Variants in SLC24A2 observed in about 807,000 individuals in gnomAD.
SLC24A2 encodes sodium/potassium/calcium exchanger 2.
A neutral mutation model predicts 62.0 loss-of-function variants in SLC24A2; 36 were observed. The observed-to-expected ratio is 0.58, with a 90% CI of 0.44 to 0.77. The LOEUF (loss-of-function observed/expected upper bound fraction) is 0.77, where lower values mean the gene tolerates loss of function less well. SLC24A2 is among the 30% of genes least tolerant of loss of function. The pLI is 0.00. For synonymous variants in SLC24A2, 358 were observed against 294.0 expected (o/e 1.22, Z -2.23); for missense variants, 846 against 817.9 (o/e 1.03, Z -0.42).
At chr9:19,564,770 T>C (rs570330510) in intron 7 of SLC24A2, among the ~76,000 whole-genome samples, 9 of 152,310 alleles carry the variant, frequency 5.9e-5, no homozygotes, top group African/African-American at 2.2e-4. Context: ...GTTGAATTTT[T>C]AGATTTTCGA....
At chr9:20,134,397 G>A in the SLC24A2 span, among the ~76,000 whole-genome samples, 1 of 152,138 alleles carries the variant, frequency 6.6e-6, no homozygotes, top group Admixed American at 6.6e-5. Context: ...TACTTCCAAT[G>A]AGAAGGGAGG....
chr9:19,551,560 T>C (rs936648374), intron 7 of SLC24A2, among the ~76,000 whole-genome samples: 1 of 152,174 alleles, frequency 6.6e-6, no homozygotes, highest in Non-Finnish European at 1.5e-5. Context: ...TCTAAAAATA[T>C]CAACAGGAAC....
At chr9:19,516,992 G>A (rs1240616061) in intron 10 of SLC24A2, among the ~76,000 whole-genome samples, 1 of 152,188 alleles carries the variant, frequency 6.6e-6, no homozygotes, top group Non-Finnish European at 1.5e-5. Context: ...CTTTCTGAAA[G>A]ATTTAAGGAA....
In SLC24A2 at chr9:19,786,650, C is replaced by A; in HGVS notation, c.217G>T (p.Val73Leu). The part of the protein sequence containing the change: ...DTQSTGEASV[V>L]SGPRVAQGYH... ...CCCTGTGCTACCCTAGGGCCACTTA[C>A]AACACTGGCCTCTCCTGTGCTCTGT... The change falls in exon 2 of 11, where the codon GTA (valine) becomes TTA (leucine). Residue 73 changes from valine to leucine, a missense_variant. Coordinates refer to ENST00000341998, the MANE Select transcript of SLC24A2 (RefSeq NM_020344.4). This position sits in a 1 kb window ranked among gnomAD's most constrained non-coding sequence, Gnocchi z 5.0. 6.2e-7 allele frequency: 1 copy of A among 1,614,114 alleles called. No individual in the cohort carries two copies. Among genetic ancestry groups the A allele is most frequent in the Non-Finnish European group, 8.5e-7 (1 of 1,179,994 alleles).
At chr9:20,078,506 G>C in the SLC24A2 span, among the ~76,000 whole-genome samples, 5 of 152,116 alleles carry the variant, frequency 3.3e-5, no homozygotes, top group African/African-American at 1.2e-4. Flanking sequence ...GGTTTATCTT[G>C]TCTCCCTTCC....
chr9:20,028,713 G>A, the SLC24A2 span, among the ~76,000 whole-genome samples: 4 of 152,126 alleles, frequency 2.6e-5, no homozygotes, highest in Non-Finnish European at 5.9e-5. Flanking sequence ...GTCAATCTCA[G>A]GCCCACCTGC....
the SLC24A2 span, among the ~76,000 whole-genome samples, chr9:20,264,635 A>G: frequency 6.6e-6 from 1 of 152,228 alleles, no homozygotes; most frequent in Non-Finnish European, 1.5e-5. Context: ...CTGGAAGATG[A>G]GAGCAATCAA....
the SLC24A2 span, among the ~76,000 whole-genome samples, chr9:19,800,818 C>T: frequency 6.6e-6 from 1 of 152,078 alleles, no homozygotes; most frequent in Non-Finnish European, 1.5e-5. Context: ...CTCTTGTTTC[C>T]TTTGGAGTAT....
In SLC24A2 at chr9:19,786,508, T is replaced by A; in HGVS notation, c.359A>T (p.Tyr120Phe). 1 of 1,614,208 alleles carries A rather than the reference T, an allele frequency of 6.2e-7. No individual in the cohort carries two copies. The highest frequency in any genetic ancestry group is 8.5e-7 in the Non-Finnish European group (1 of 1,180,040). Reference protein sequence around the residue: ...ENSTDHAQGDYPKDIFSLEER... With the variant: ...ENSTDHAQGDFPKDIFSLEER... ...CTCAAGGGAAAAGATGTCTTTCGGG[T>A]AGTCTCCTTGGGCGTGATCTGTACT... The change falls in exon 2 of 11, where the codon TAC becomes TTC. Residue 120 changes from tyrosine (Y) to phenylalanine (F), a missense_variant. Coordinates refer to ENST00000341998, the MANE Select transcript of SLC24A2 (RefSeq NM_020344.4). This position sits in a 1 kb window ranked among gnomAD's most constrained non-coding sequence, Gnocchi z 5.0.
At chr9:20,169,787 A>C in the SLC24A2 span, among the ~76,000 whole-genome samples, 1 of 151,922 alleles carries the variant, frequency 6.6e-6, no homozygotes, top group African/African-American at 2.4e-5. Flanking sequence ...ACACCCCCCC[A>C]AAAAATCACA....
chr9:19,851,734 T>A, the SLC24A2 span, among the ~76,000 whole-genome samples: 1 of 152,212 alleles, frequency 6.6e-6, no homozygotes, highest in East Asian at 1.9e-4. Flanking sequence ...TAATCATTGG[T>A]GGGCTTTGAG....
chr9:19,607,614 G>C (rs1356015536), intron 4 of SLC24A2, among the ~76,000 whole-genome samples: 1 of 151,318 alleles, frequency 6.6e-6, no homozygotes, highest in Non-Finnish European at 1.5e-5. Flanking sequence ...AGCTACTTGA[G>C]AGGCTGAGGC....
At chr9:20,068,056 T>TC in the SLC24A2 span, among the ~76,000 whole-genome samples, 3 of 135,488 alleles carry the variant, frequency 2.2e-5, no homozygotes, top group South Asian at 2.3e-4. Context: ...ATTTTTTGAC[T>TC]CTTTTTTTTT....
the SLC24A2 span, among the ~76,000 whole-genome samples, chr9:20,088,302 C>A: frequency 1.3e-5 from 2 of 152,248 alleles, no homozygotes; most frequent in Non-Finnish European, 2.9e-5. Context: ...ATGGAGCTCC[C>A]AGAGGGAGGG....
At chr9:19,813,265 G>C in the SLC24A2 span, among the ~76,000 whole-genome samples, 1 of 150,470 alleles carries the variant, frequency 6.6e-6, no homozygotes, top group African/African-American at 2.4e-5. Context: ...AATACCCTCA[G>C]AGAGAAGCAG....
chr9:20,048,316 C>A, the SLC24A2 span, among the ~76,000 whole-genome samples: 1 of 152,124 alleles, frequency 6.6e-6, no homozygotes, highest in African/African-American at 2.4e-5. Context: ...ACATAATTTG[C>A]TTGATAAGTC....
intron 2 of SLC24A2, among the ~76,000 whole-genome samples, chr9:19,663,014 C>T (rs1819147315): frequency 6.6e-6 from 1 of 152,164 alleles, no homozygotes; most frequent in South Asian, 2.1e-4. Context: ...ATCTTTATAA[C>T]TGTGAAAGAA....
chr9:19,634,734 T>C (rs960846859), intron 2 of SLC24A2, among the ~76,000 whole-genome samples: 4 of 152,342 alleles, frequency 2.6e-5, no homozygotes, highest in East Asian at 3.9e-4. Context: ...CTAATCTTTA[T>C]AGAACTTTTT....
the SLC24A2 span, among the ~76,000 whole-genome samples, chr9:20,040,265 T>C: frequency 6.6e-6 from 1 of 152,222 alleles, no homozygotes; most frequent in African/African-American, 2.4e-5. Context: ...TGCTATGTTT[T>C]GTTGTAATAA....
Sources: gnomAD v4.1 joint callset for allele counts (sites outside exome capture counted in the v4.1 genomes callset) on GRCh38, gnomAD v4.1.1 for gene constraint, Gnocchi (gnomAD v3.1) non-coding constraint, MANE v1.5 for transcripts, NCBI Gene and HGNC (gene_info 2026-07-23, HGNC 2026-07-21) for gene names.